EPHA6: variants seen among roughly 807,000 people sequenced by gnomAD.
The protein encoded by EPHA6 is EPH receptor A6, also known as ephrin type-A receptor 6.
Under a neutral mutation model 112.0 loss-of-function variants are expected in EPHA6, and 50 were observed. That is an observed-to-expected ratio of 0.45 (90% confidence interval 0.36 to 0.56). EPHA6 has a LOEUF of 0.56. EPHA6 is among the 20% of genes least tolerant of loss of function. The pLI is 0.00. For missense variants in EPHA6, 1,280 were observed against 1,417.4 expected (o/e 0.90, Z 1.56); for synonymous variants, 529 against 490.7 (o/e 1.08, Z -1.03).
chr3:96,831,971 A>G (rs1214071814), intron 1 of EPHA6, among the ~76,000 whole-genome samples: 4 of 151,984 alleles, frequency 2.6e-5, no homozygotes, highest in Admixed American at 6.6e-5. Flanking sequence ...AAAACTCTCA[A>G]TGCTGCAAGA....
chr3:97,110,178 A>T (rs113398639), intron 3 of EPHA6, among the ~76,000 whole-genome samples: 1,735 of 152,258 alleles, frequency 0.011, 31 homozygotes, highest in African/African-American at 0.038. Context: ...ATTTTCATTC[A>T]TAGGGATAAA....
chr3:96,934,518 A>C (rs2040485525), intron 2 of EPHA6, among the ~76,000 whole-genome samples: 1 of 151,616 alleles, frequency 6.6e-6, no homozygotes, highest in Admixed American at 6.6e-5. Flanking sequence ...ATTATTAGAC[A>C]AAATATAGTA....
At chr3:96,915,128 A>G (rs1299434520) in intron 2 of EPHA6, among the ~76,000 whole-genome samples, 1 of 151,958 alleles carries the variant, frequency 6.6e-6, no homozygotes, top group Non-Finnish European at 1.5e-5. Flanking sequence ...TGATGAAATA[A>G]GGATATGTCA....
At chr3:97,267,474 A>G (rs951180470) in intron 5 of EPHA6, among the ~76,000 whole-genome samples, 1 of 152,254 alleles carries the variant, frequency 6.6e-6, no homozygotes, top group African/African-American at 2.4e-5. Context: ...TATTCACCAC[A>G]TCTTTCCTGA....
intron 3 of EPHA6, among the ~76,000 whole-genome samples, chr3:97,029,185 T>C (rs989020698): frequency 1.3e-5 from 2 of 151,782 alleles, no homozygotes; most frequent in African/African-American, 4.8e-5. Flanking sequence ...TTTGTTAAAA[T>C]ATTGAGTTAG....
chr3:97,278,177 C>T lies in EPHA6; in HGVS notation c.1606+33890C>T, dbSNP rs907673763. 3.3e-5 allele frequency among the ~76,000 whole-genome samples: 5 copies of T among 152,300 alleles called. No individual in the cohort carries two copies. The East Asian group carries it at 7.7e-4, about 23-fold the overall frequency. Reference sequence around the variant, plus strand: ...TCCTCTCTGATTTTGATTTCTCATACATTTCTTTAAAGCAAATATGGTGAA... The same window carrying T: ...TCCTCTCTGATTTTGATTTCTCATATATTTCTTTAAAGCAAATATGGTGAA... On this transcript the variant is annotated intron_variant, in intron 5 of 17. Coordinates refer to ENST00000389672, the MANE Select transcript of EPHA6 (RefSeq NM_001080448.3).
At chr3:97,694,560 A>G (rs2032905106) in intron 14 of EPHA6, among the ~76,000 whole-genome samples, 1 of 152,132 alleles carries the variant, frequency 6.6e-6, no homozygotes, top group South Asian at 2.1e-4. Flanking sequence ...CATATCTAAT[A>G]TTCTATGGGG....
chr3:97,577,917 C>A (rs914139795), intron 11 of EPHA6, among the ~76,000 whole-genome samples: 1 of 152,002 alleles, frequency 6.6e-6, no homozygotes, highest in African/African-American at 2.4e-5. Context: ...TTTTCTGATG[C>A]AGTGACAGAC....
At chr3:97,172,114 T>C (rs947507396) in intron 3 of EPHA6, among the ~76,000 whole-genome samples, 7 of 152,038 alleles carry the variant, frequency 4.6e-5, no homozygotes, top group Non-Finnish European at 8.8e-5. Context: ...GGTGCTGTCT[T>C]GAACATGGCA....
chr3:97,019,740 A>G (rs1312977851), intron 3 of EPHA6, among the ~76,000 whole-genome samples: 1 of 152,104 alleles, frequency 6.6e-6, no homozygotes, highest in Admixed American at 6.5e-5. Context: ...AATTTATCAG[A>G]TTTTTAATAA....
chr3:97,124,816 A>G (rs1286192598), intron 3 of EPHA6, among the ~76,000 whole-genome samples: 1 of 152,200 alleles, frequency 6.6e-6, no homozygotes, highest in Non-Finnish European at 1.5e-5. Context: ...AAGGCCTAGT[A>G]ACACCCACAG....
intron 2 of EPHA6, among the ~76,000 whole-genome samples, chr3:96,973,634 G>A (rs931457496): frequency 2.0e-5 from 3 of 151,266 alleles, no homozygotes; most frequent in Non-Finnish European, 2.9e-5. Flanking sequence ...GACCAGTTTG[G>A]CCAACATGGT....
intron 6 of EPHA6, among the ~76,000 whole-genome samples, chr3:97,438,228 G>A (rs890421457): frequency 1.3e-5 from 2 of 152,042 alleles, no homozygotes; most frequent in African/African-American, 2.4e-5. Flanking sequence ...GAAGACAGAC[G>A]GGAAAGTTAA....
At chr3:97,046,116 A>C (rs2045497424) in intron 3 of EPHA6, among the ~76,000 whole-genome samples, 1 of 152,162 alleles carries the variant, frequency 6.6e-6, no homozygotes, top group Admixed American at 6.5e-5. Context: ...CCTACTTTAC[A>C]CAAGGGTAGT....
chr3:97,065,737 T>C (rs908259478), intron 3 of EPHA6, among the ~76,000 whole-genome samples: 1 of 152,116 alleles, frequency 6.6e-6, no homozygotes, highest in Non-Finnish European at 1.5e-5. Context: ...ATGTCATACA[T>C]GAGCCAACAT....
At chr3:96,996,281 C>T (rs1000576718) in intron 3 of EPHA6, among the ~76,000 whole-genome samples, 6 of 152,030 alleles carry the variant, frequency 3.9e-5, no homozygotes, top group African/African-American at 9.7e-5. Flanking sequence ...TTTTCTGCAA[C>T]GTCATCCTTG....
At chr3:97,012,237 C>T (rs2044112552) in intron 3 of EPHA6, among the ~76,000 whole-genome samples, 1 of 151,730 alleles carries the variant, frequency 6.6e-6, no homozygotes, top group African/African-American at 2.4e-5. Context: ...CTACAAACTG[C>T]TTTCCATGGT....
intron 10 of EPHA6, among the ~76,000 whole-genome samples, chr3:97,492,622 A>C (rs2091876975): frequency 6.8e-6 from 1 of 147,938 alleles, no homozygotes; most frequent in Non-Finnish European, 1.5e-5. Flanking sequence ...TCTCAGACTC[A>C]AGCGGGAAGC....
chr3:97,413,214 C>G (rs963433549), intron 6 of EPHA6, among the ~76,000 whole-genome samples: 1 of 151,854 alleles, frequency 6.6e-6, no homozygotes. Flanking sequence ...ATATAATGTT[C>G]CTACTTTTGA....
Sources: gnomAD v4.1 joint callset for allele counts (sites outside exome capture counted in the v4.1 genomes callset) on GRCh38, gnomAD v4.1.1 for gene constraint, MANE v1.5 for transcripts, NCBI Gene and HGNC (gene_info 2026-07-23, HGNC 2026-07-21) for gene names.